The following ZNF185 variants were observed in gnomAD, a reference collection of about 807,000 sequenced individuals.
The protein encoded by ZNF185 is zinc finger protein 185.
ZNF185 carries 56 observed loss-of-function variants against 58.6 expected under a neutral mutation model. The observed-to-expected ratio is 0.95, with a 90% CI of 0.77 to 1.19. The LOEUF is 1.19. Among genes scored for constraint, ZNF185 ranks in the 50% most tolerant of loss-of-function variants. The pLI, the probability that ZNF185 is intolerant of heterozygous loss-of-function variation, is 0.00. For synonymous variants in ZNF185, 230 were observed against 215.9 expected (o/e 1.07, Z -0.57); for missense variants, 627 against 573.5 (o/e 1.09, Z -0.95).
exon 23 of ZNF185, chrX:152,972,760 G>A (rs2050726013): frequency 9.0e-6 from 1 of 111,492 alleles, no homozygotes; most frequent in Admixed American, 9.5e-5. Flanking sequence ...GCAGTCAGCC[G>A]ATCCTCTGCT....
At chrX:152,907,297 A>T in the ZNF185 span, among the ~76,000 whole-genome samples, 1 of 112,599 alleles carries the variant, frequency 8.9e-6, no homozygotes, top group Non-Finnish European at 1.9e-5. Flanking sequence ...CGCTGATGAC[A>T]CCAGGCTTGC....
At chrX:152,934,319 T>C (rs1472763821) in intron 14 of ZNF185, among the ~76,000 whole-genome samples, 1 of 112,094 alleles carries the variant, frequency 8.9e-6, no homozygotes, top group Non-Finnish European at 1.9e-5. Context: ...CGGAAGAGAC[T>C]TCTGGTCTAC....
chrX:152,959,115 C>T (rs782029792), intron 16 of ZNF185, among the ~76,000 whole-genome samples: 4 of 112,705 alleles, frequency 3.5e-5, no homozygotes, highest in Non-Finnish European at 7.5e-5. Flanking sequence ...TCATAATGGC[C>T]CCGCCTAAGA....
At chrX:152,914,911 GC>G (rs1403098036) in intron 2 of ZNF185, 78 bp downstream of exon 3, 2 of 1,107,303 alleles carry the variant, frequency 1.8e-6, no homozygotes, top group African/African-American at 3.7e-5. Flanking sequence ...ACCTGGGGAT[GC>G]GAAGGGGCTT....
At chrX:152,965,068 T>C (rs2049969569) in intron 18 of ZNF185, among the ~76,000 whole-genome samples, 1 of 111,362 alleles carries the variant, frequency 9.0e-6, no homozygotes, top group African/African-American at 3.3e-5. Context: ...GATATCTTGG[T>C]TGTGGGTAGA....
exon 1 of ZNF185, chrX:152,914,446 A>G (rs910158879): frequency 8.9e-7 from 1 of 1,124,164 alleles, no homozygotes; most frequent in Non-Finnish European, 1.2e-6. Context: ...TATCCCCAGA[A>G]GCCCTGCTGA....
Position 152,931,777 on chromosome X carries a change from G to T in ZNF185, c.1022+1G>T. ...GGGCCCCCAACACAGATGCTGCAAG[G>T]TAACTCAGTGCAGGAAGCAGACACT... On this transcript the variant is annotated splice_donor_variant, in intron 13 of 22. Coordinates refer to ENST00000449285, the Ensembl canonical transcript of ZNF185. LOFTEE classifies it high-confidence loss of function. 8.3e-7 allele frequency: 1 copy of T among 1,198,883 alleles called. No homozygotes were observed. The highest frequency in any genetic ancestry group is 1.1e-6 in the Non-Finnish European group (1 of 888,203).
At chrX:152,970,373 C>A in intron 21 of ZNF185, 70 bp from the exon 24 acceptor site, 1 of 1,036,259 alleles carries the variant, frequency 9.7e-7, no homozygotes, top group Non-Finnish European at 1.3e-6. Flanking sequence ...GTTCAGGCAT[C>A]CCCTTCCCAC....
At chrX:152,937,520 GCTCT>G (rs1177284516) in intron 14 of ZNF185, among the ~76,000 whole-genome samples, 2 of 111,077 alleles carry the variant, frequency 1.8e-5, no homozygotes, top group Admixed American at 9.5e-5. Context: ...GACAGCTCTT[GCTCT>G]CTCTCTTTCT....
intron 12 of ZNF185, among the ~76,000 whole-genome samples, chrX:152,929,455 C>T (rs781952866): frequency 4.7e-4 from 52 of 111,005 alleles, no homozygotes; most frequent in Middle Eastern, 9.3e-3. Context: ...GCAGGAACTT[C>T]GAGCAGAGGC....
the ZNF185 span, among the ~76,000 whole-genome samples, chrX:152,906,626 C>A: frequency 2.7e-5 from 3 of 112,762 alleles, no homozygotes; most frequent in African/African-American, 9.7e-5. Flanking sequence ...CCTGACCCAC[C>A]CCAAAGGGGT....
the ZNF185 span, among the ~76,000 whole-genome samples, chrX:152,902,580 A>G: frequency 8.9e-6 from 1 of 112,948 alleles, no homozygotes; most frequent in Admixed American, 9.3e-5. Context: ...TCATGCTTTC[A>G]TTCCTTTGGG....
At chrX:152,960,017 G>A (rs1009673969) in intron 17 of ZNF185, 121 bp downstream of exon 19, 57 of 699,653 alleles carry the variant, frequency 8.1e-5, no homozygotes, top group Non-Finnish European at 3.2e-5. Context: ...GGTGAGTGTG[G>A]TTAGGAGCCA....
At chrX:152,954,456 T>C (rs2048616390) in intron 16 of ZNF185, among the ~76,000 whole-genome samples, 1 of 111,818 alleles carries the variant, frequency 8.9e-6, no homozygotes, top group Admixed American at 9.5e-5. Context: ...CAGGCAATAA[T>C]CCATTCTGGG....
chrX:152,914,318 C>T (rs1000134787), upstream of ZNF185: 32 of 457,987 alleles, frequency 7.0e-5, no homozygotes, highest in Non-Finnish European at 1.1e-4. Context: ...TAGCACTCCA[C>T]CAACGCTTGC....
chrX:152,915,438 G>C (rs1938251650), intron 3 of ZNF185, among the ~76,000 whole-genome samples: 1 of 113,099 alleles, frequency 8.8e-6, no homozygotes, highest in Non-Finnish European at 1.9e-5. Flanking sequence ...GCCTGGCTGT[G>C]TGGCTGTGGG....
intron 11 of ZNF185, among the ~76,000 whole-genome samples, chrX:152,926,367 A>G (rs182290161): frequency 8.9e-6 from 1 of 112,783 alleles, no homozygotes; most frequent in East Asian, 2.8e-4. Flanking sequence ...GCTCCCAGTC[A>G]TAGGCGTGCT....
At chrX:152,972,845 G>A (rs2050729590) in exon 23 of ZNF185, 1 of 111,823 alleles carries the variant, frequency 8.9e-6, no homozygotes, top group Non-Finnish European at 1.9e-5. Flanking sequence ...AACAACCTTA[G>A]AGTATTTCTG....
intron 17 of ZNF185, among the ~76,000 whole-genome samples, chrX:152,962,471 A>G (rs1322288956): frequency 8.9e-6 from 1 of 111,813 alleles, no homozygotes; most frequent in Non-Finnish European, 1.9e-5. Context: ...ACAGGATACC[A>G]GACACCTGGT....
Sources: allele counts gnomAD v4.1 joint callset (sites outside exome capture counted in the v4.1 genomes callset), GRCh38; gene constraint gnomAD v4.1.1; transcripts MANE v1.5; gene names NCBI Gene and HGNC (gene_info 2026-07-23, HGNC 2026-07-21).